The following HSD3B1 variants were observed in gnomAD, a reference collection of about 807,000 sequenced individuals.
HSD3B1 encodes 3 beta-hydroxysteroid dehydrogenase/Delta 5-->4-isomerase type 1.
A neutral mutation model predicts 10.4 loss-of-function variants in HSD3B1; 11 were observed. The ratio of observed to expected loss-of-function variants is 1.05; its 90% CI spans 0.66 to 1.75. The LOEUF (loss-of-function observed/expected upper bound fraction) is 1.75, where lower values mean the gene tolerates loss of function less well. Among genes scored for constraint, HSD3B1 ranks in the 40% most tolerant of loss-of-function variants. The pLI is 0.00. For missense variants in HSD3B1, 490 were observed against 454.5 expected (o/e 1.08, Z -0.71); for synonymous variants, 217 against 185.4 (o/e 1.17, Z -1.39).
intron 2 of HSD3B1, among the ~76,000 whole-genome samples, chr1:119,510,717 C>CTTT (rs962978657): frequency 0.012 from 639 of 54,170 alleles, 272 homozygotes; most frequent in East Asian, 0.018. Context: ...GTGTGGTTTT[C>CTTT]TTTTTTTTTT....
chr1:119,512,886 C>CAG (rs1653977002), intron 3 of HSD3B1, among the ~76,000 whole-genome samples: 2 of 152,152 alleles, frequency 1.3e-5, no homozygotes, highest in South Asian at 4.1e-4. Flanking sequence ...TCAAATTGCA[C>CAG]AGAGACATTA....
At position 119,514,318 on chromosome 1, in the gene HSD3B1, T is replaced by G; in HGVS notation, c.795T>G (p.Tyr265Ter). 6.2e-7 allele frequency: 1 copy of G among 1,614,082 alleles called. No homozygotes were observed. The highest frequency in any genetic ancestry group is 1.1e-5 in the South Asian group (1 of 91,082). ...CAGATGACACGCCTCACCAAAGCTA[T>G]GATAACCTTAATTACACCCTGAGCA... ...YISDDTPHQS[Y>*]DNLNYTLSKE... is the part of the protein sequence containing the mutation. Residue 265 changes from tyrosine to a stop codon, truncating the protein, a stop_gained, in exon 4 of 4, where the codon TAT becomes TAG. Transcript: ENST00000369413. LOFTEE classifies it low-confidence loss of function (END_TRUNC).
intron 2 of HSD3B1, among the ~76,000 whole-genome samples, chr1:119,509,601 C>T (rs587715091): frequency 1.5e-4 from 23 of 152,318 alleles, no homozygotes; most frequent in African/African-American, 4.8e-4. Context: ...GAACATCCCA[C>T]TCTCAGGCTG....
At chr1:119,511,759 C>A in intron 3 of HSD3B1, 92 bp downstream of exon 3, 1 of 1,099,786 alleles carries the variant, frequency 9.1e-7, no homozygotes, top group Non-Finnish European at 1.4e-6. Context: ...CCACTGAACA[C>A]CTGCTGTGCT....
At chr1:119,511,878 A>G in intron 3 of HSD3B1, 1 of 557,690 alleles carries the variant, frequency 1.8e-6, no homozygotes, top group Non-Finnish European at 3.2e-6. Context: ...TAACTTGTCC[A>G]AGGTCCCCCA....
rs764062938 is a variant in HSD3B1, at chr1:119,514,479, T to G, written c.956T>G (p.Ile319Arg). 2 of 1,613,934 alleles carry G rather than the reference T, an allele frequency of 1.2e-6. No individual in the cohort carries two copies. The highest frequency in any genetic ancestry group is 1.7e-6 in the Non-Finnish European group (2 of 1,180,002). Residue 319 changes from isoleucine to arginine, a missense_variant, in exon 4 of 4, where the codon ATA becomes AGA. By Grantham distance (97) the Ile-to-Arg change is moderately conservative (BLOSUM62 -3). Transcript: ENST00000369413. ...YTYRPPFNRH[I>R]VTLSNSVFTF... ...TATCGACCGCCCTTCAACCGCCACA[T>G]AGTCACATTGTCAAATAGCGTATTC...
chr1:119,512,392 T>G (rs1300687629), intron 3 of HSD3B1, among the ~76,000 whole-genome samples: 1 of 152,142 alleles, frequency 6.6e-6, no homozygotes, highest in Non-Finnish European at 1.5e-5. Flanking sequence ...AAAGTATGGC[T>G]TTCCAACTAC....
intron 2 of HSD3B1, among the ~76,000 whole-genome samples, chr1:119,510,694 T>G (rs587689895): frequency 6.6e-6 from 1 of 150,878 alleles, no homozygotes; most frequent in African/African-American, 2.4e-5. Context: ...TGTTCCTTTT[T>G]TTGTTGTTGC....
intron 2 of HSD3B1, among the ~76,000 whole-genome samples, chr1:119,508,540 T>A (rs1004699051): frequency 1.3e-5 from 2 of 152,188 alleles, no homozygotes; most frequent in African/African-American, 4.8e-5. Context: ...CAAAGCAACA[T>A]GCTAAGGCCA....
In HSD3B1 at chr1:119,514,841, C is replaced by A; in HGVS notation, c.*196C>A. 1.6e-6 allele frequency: 1 copy of A among 641,772 alleles called. No individual in the cohort carries two copies. The highest frequency in any genetic ancestry group is 2.7e-6 in the Non-Finnish European group (1 of 366,104). 39.8% of individuals were successfully genotyped at this position (641,772 alleles called of 1,614,324 possible). A position where few individuals can be genotyped will look rare whatever the true frequency, so the allele number is the denominator to read the frequency against. ...ATTGGCCCAACAAGAAGGTTTCTGT[C>A]CTAATCATATACCAGAGGAAAGACC... is the stretch of plus-strand genomic sequence containing the variant. On this transcript the variant is annotated 3_prime_UTR_variant, in exon 4 of 4. Coordinates refer to ENST00000369413, the MANE Select transcript of HSD3B1 (RefSeq NM_000862.3).
intron 3 of HSD3B1, among the ~76,000 whole-genome samples, chr1:119,512,648 G>T (rs1653970304): frequency 6.6e-6 from 1 of 152,124 alleles, no homozygotes; most frequent in Non-Finnish European, 1.5e-5. Context: ...TGCAAGGAGG[G>T]TGCTAAGAGT....
intron 2 of HSD3B1, among the ~76,000 whole-genome samples, chr1:119,510,717 CTTTTTTTTTT>C (rs962978657): frequency 8.1e-4 from 44 of 54,152 alleles, no homozygotes; most frequent in African/African-American, 2.4e-3. Context: ...GTGTGGTTTT[CTTTTTTTTTT>C]TTTTTTTTTT....
Position 119,514,063 on chromosome 1 carries a change from G to C in HSD3B1, c.540G>C (p.Leu180=), listed in dbSNP as rs1284968259. 1.2e-6 allele frequency: 2 copies of C among 1,614,124 alleles called. No homozygotes were observed. Among genetic ancestry groups the C allele is most frequent in the South Asian group, 2.2e-5 (2 of 91,072 alleles). The change falls in exon 4 of 4, where the codon CTG becomes CTC. Residue 180 remains leucine, a synonymous_variant. Coordinates refer to ENST00000369413, the MANE Select transcript of HSD3B1 (RefSeq NM_000862.3). ...NGWNLKNGGT[L]YTCALRPMYI... Reference sequence around the variant, plus strand: ...GGAATCTGAAAAACGGCGGCACCCTGTACACTTGTGCCTTACGACCCATGT... The same window carrying C: ...GGAATCTGAAAAACGGCGGCACCCTCTACACTTGTGCCTTACGACCCATGT...
At position 119,514,700 on chromosome 1, in the gene HSD3B1, C is replaced by T; in HGVS notation, c.*55C>T. The stretch of plus-strand genomic sequence containing the variant: ...TATTGTTAGGAGATGTCATCAAGCT[C>T]CACCCTCCTGGCCTCATACAGAAAG... On this transcript the variant is annotated 3_prime_UTR_variant, in exon 4 of 4. Coordinates refer to ENST00000369413, the MANE Select transcript of HSD3B1 (RefSeq NM_000862.3). 1 of 1,580,312 alleles carries T rather than the reference C, an allele frequency of 6.3e-7. No individual in the cohort carries two copies.
chr1:119,511,420 C>T, intron 2 of HSD3B1, 83 bp from the exon 3 acceptor site: 3 of 1,377,070 alleles, frequency 2.2e-6, no homozygotes, highest in Non-Finnish European at 3.1e-6. Flanking sequence ...CATCCTTGAA[C>T]ACCTATGTAA....
At position 119,511,600 on chromosome 1, in the gene HSD3B1, C is replaced by T; in HGVS notation, c.243C>T (p.His81=). The part of the protein sequence containing the change: ...RACQDVSVII[H]TACIIDVFGV... ...GCCAGGACGTCTCGGTCATCATCCACACCGCCTGTATCATTGATGTCTTCG... is the reference window on the plus strand; with the variant it reads ...GCCAGGACGTCTCGGTCATCATCCATACCGCCTGTATCATTGATGTCTTCG... Residue 81 remains histidine, a synonymous_variant, in exon 3 of 4, where the codon CAC becomes CAT. Transcript: ENST00000369413. The T allele has an allele frequency of 6.2e-7, 1 of 1,613,714 alleles. No homozygotes were observed. The highest frequency in any genetic ancestry group is 8.5e-7 in the Non-Finnish European group (1 of 1,179,700).
At position 119,507,640 on chromosome 1, in the gene HSD3B1, T is replaced by A; in HGVS notation, c.145+19T>A. ...TTTTCTAGTAAGTAAACTTGGGTCATGGGTGTGTGGTTCCATCTTAAACAC... is the reference window on the plus strand; with the variant it reads ...TTTTCTAGTAAGTAAACTTGGGTCAAGGGTGTGTGGTTCCATCTTAAACAC... On this transcript the variant is annotated intron_variant, in intron 2 of 3. Transcript: ENST00000369413. The A allele has an allele frequency of 6.2e-7, 1 of 1,613,478 alleles. No individual in the cohort carries two copies. Among genetic ancestry groups the A allele is most frequent in the East Asian group, 2.2e-5 (1 of 44,870 alleles).
Position 119,511,631 on chromosome 1 carries a change from A to G in HSD3B1, c.274A>G (p.Thr92Ala). ...TACIIDVFGVTHRESIMNVNV... is the reference protein window; with the variant it reads ...TACIIDVFGVAHRESIMNVNV... The stretch of plus-strand genomic sequence containing the variant: ...CTGTATCATTGATGTCTTCGGTGTC[A>G]CTCACAGAGAGTCTATCATGAATGT... The change falls in exon 3 of 4, where the codon ACT (threonine) becomes GCT (alanine). Residue 92 changes from threonine to alanine, a missense_variant. Physicochemically the swap from Thr to Ala is moderately conservative, Grantham distance 58. Transcript: ENST00000369413. The G allele has an allele frequency of 6.2e-7, 1 of 1,609,312 alleles. No individual in the cohort carries two copies. The highest frequency in any genetic ancestry group is 8.5e-7 in the Non-Finnish European group (1 of 1,178,550).
chr1:119,507,223 C>A lies in HSD3B1; in HGVS notation c.-125C>A. The A allele has an allele frequency of 2.2e-6, 1 of 458,312 alleles. No homozygotes were observed. Among genetic ancestry groups the A allele is most frequent in the Non-Finnish European group, 4.0e-6 (1 of 248,884 alleles). 28.4% of individuals were successfully genotyped at this position (458,312 alleles called of 1,614,324 possible). A position where few individuals can be genotyped will look rare whatever the true frequency, so the allele number is the denominator to read the frequency against. On this transcript the variant is annotated 5_prime_UTR_variant, in exon 1 of 4. Coordinates refer to ENST00000369413, the MANE Select transcript of HSD3B1 (RefSeq NM_000862.3). The stretch of plus-strand genomic sequence containing the variant: ...GCCACAGGAAATGAGGTGAGAAGTA[C>A]GTCCACTCTTCTGTCCAGCTTTTAA...
Sources: allele counts gnomAD v4.1 joint callset (sites outside exome capture counted in the v4.1 genomes callset), GRCh38; gene constraint gnomAD v4.1.1; transcripts MANE v1.5; gene names NCBI Gene and HGNC (gene_info 2026-07-23, HGNC 2026-07-21).